Variants in NHSL1 observed in about 807,000 individuals in gnomAD.
NHSL1 encodes the protein NHS like 1, also known as NHS-like protein 1.
A neutral mutation model predicts 95.0 loss-of-function variants in NHSL1; 48 were observed. That is an observed-to-expected ratio of 0.51 (90% CI 0.40 to 0.64). The LOEUF is 0.64. Ranked by LOEUF, NHSL1 falls within the 30% of genes least tolerant of loss-of-function variation. The probability of loss-of-function intolerance (pLI) is 0.00; values close to 1 mark genes in which losing one functional copy is unlikely to be tolerated. For missense variants in NHSL1, 1,971 were observed against 2,077.7 expected (o/e 0.95, Z 1.00); for synonymous variants, 783 against 833.9 (o/e 0.94, Z 1.05).
intron 1 of NHSL1, among the ~76,000 whole-genome samples, chr6:138,688,988 A>G (rs1785624399): frequency 6.6e-6 from 1 of 152,120 alleles, no homozygotes; most frequent in African/African-American, 2.4e-5. Flanking sequence ...TGTATTTAGT[A>G]CTGTATTTTT....
chr6:138,689,119 T>C (rs1161777475), intron 1 of NHSL1, among the ~76,000 whole-genome samples: 1 of 152,230 alleles, frequency 6.6e-6, no homozygotes, highest in Non-Finnish European at 1.5e-5. Context: ...TTATTCTTCC[T>C]GACAGTAAGC....
intron 1 of NHSL1, among the ~76,000 whole-genome samples, chr6:138,540,047 C>A (rs1464576330): frequency 6.6e-6 from 1 of 152,158 alleles, no homozygotes; most frequent in Admixed American, 6.5e-5. Context: ...GCTTTCCCCA[C>A]CAGTTTGAAA....
chr6:138,558,878 C>CA lies in NHSL1; in HGVS notation c.202+12831dup, dbSNP rs1193252658. On this transcript the variant is annotated intron_variant, in intron 1 of 6. Transcript: ENST00000427025. ...GCAACATAGCAAGACCCCTTCTCTACAAAAAAACAAAATAAAATAAATTAG... is the reference window on the plus strand; with the variant it reads ...GCAACATAGCAAGACCCCTTCTCTACAAAAAAAACAAAATAAAATAAATTAG... 3.3e-5 allele frequency among the ~76,000 whole-genome samples: 5 copies of CA among 151,876 alleles called. No individual in the cohort carries two copies. In the South Asian group the frequency reaches 6.3e-4, roughly 19 times the overall value.
intron 1 of NHSL1, among the ~76,000 whole-genome samples, chr6:138,618,942 T>C (rs1278747023): frequency 6.6e-6 from 1 of 152,230 alleles, no homozygotes; most frequent in Non-Finnish European, 1.5e-5. Flanking sequence ...CCCTGGGGCC[T>C]TGGGTGTCAC....
chr6:138,490,477 C>G (rs1780007251), intron 2 of NHSL1, among the ~76,000 whole-genome samples: 1 of 152,114 alleles, frequency 6.6e-6, no homozygotes, highest in Non-Finnish European at 1.5e-5. Context: ...CACAATCTCT[C>G]CCAAGACAAA....
At chr6:138,484,680 G>A (rs959903426) in intron 2 of NHSL1, among the ~76,000 whole-genome samples, 5 of 152,000 alleles carry the variant, frequency 3.3e-5, no homozygotes, top group Admixed American at 6.6e-5. Context: ...AAAAATAAAC[G>A]GCCATTTTGA....
At chr6:138,501,338 A>G (rs556685267), upstream of NHSL1, among the ~76,000 whole-genome samples, 21 of 152,316 alleles carry the variant, frequency 1.4e-4, no homozygotes, top group Non-Finnish European at 2.1e-4. Context: ...GCCCTCATGG[A>G]GCTTAAATTA....
exon 1 of NHSL1, chr6:138,571,787 T>C (rs1160651125): frequency 1.3e-6 from 2 of 1,552,220 alleles, no homozygotes; most frequent in African/African-American, 2.7e-5. Context: ...GAGCTCTCCA[T>C]CACTGCGAAA....
intron 3 of NHSL1, among the ~76,000 whole-genome samples, chr6:138,463,578 G>C (rs1778141547): frequency 6.6e-6 from 1 of 151,040 alleles, no homozygotes. Context: ...TGAACGTGCA[G>C]GTTTGTTACA....
intron 1 of NHSL1, among the ~76,000 whole-genome samples, chr6:138,663,695 C>A (rs113414770): frequency 1.3e-5 from 2 of 151,948 alleles, no homozygotes; most frequent in Admixed American, 6.6e-5. Context: ...CATGGTGAAA[C>A]CCCATCTCTA....
intron 1 of NHSL1, among the ~76,000 whole-genome samples, chr6:138,663,286 C>T (rs1233260528): frequency 6.6e-6 from 1 of 151,994 alleles, no homozygotes; most frequent in Non-Finnish European, 1.5e-5. Flanking sequence ...CTAGGCCAGG[C>T]GTGGTGGGTC....
chr6:138,594,023 A>G (rs1038829829), intron 1 of NHSL1, among the ~76,000 whole-genome samples: 2 of 152,208 alleles, frequency 1.3e-5, no homozygotes, highest in African/African-American at 4.8e-5. Flanking sequence ...AAAGTTTTTA[A>G]AAGGTTTTTT....
At chr6:138,633,808 G>C (rs1011359530) in intron 1 of NHSL1, among the ~76,000 whole-genome samples, 11 of 152,170 alleles carry the variant, frequency 7.2e-5, no homozygotes, top group Non-Finnish European at 1.6e-4. Flanking sequence ...ACTGTGGTGT[G>C]TAAACTACTC....
chr6:138,653,383 G>A (rs970852858), intron 1 of NHSL1, among the ~76,000 whole-genome samples: 1 of 151,994 alleles, frequency 6.6e-6, no homozygotes, highest in Non-Finnish European at 1.5e-5. Context: ...GTGAAACCCC[G>A]TCTCTACTAA....
chr6:138,692,812 G>A (rs1011326492), upstream of NHSL1, among the ~76,000 whole-genome samples: 2 of 150,510 alleles, frequency 1.3e-5, no homozygotes, highest in African/African-American at 4.9e-5. This position sits in a 1 kb window ranked among gnomAD's most constrained non-coding sequence, Gnocchi z 4.0. Flanking sequence ...GCCTCCCGTC[G>A]GCGCGGGGCG....
At chr6:138,438,011 C>A (rs1460805956) in intron 5 of NHSL1, among the ~76,000 whole-genome samples, 3 of 152,126 alleles carry the variant, frequency 2.0e-5, no homozygotes, top group African/African-American at 7.2e-5. Context: ...ACAAAGGATT[C>A]AGAATATTAT....
intron 1 of NHSL1, among the ~76,000 whole-genome samples, chr6:138,518,358 C>T (rs1425653789): frequency 6.6e-6 from 1 of 151,156 alleles, no homozygotes; most frequent in South Asian, 2.1e-4. Flanking sequence ...TTTCCATGGA[C>T]TCTCTTTCTG....
At chr6:138,499,579 G>C, upstream of NHSL1, 1 of 376,086 alleles carries the variant, frequency 2.7e-6, no homozygotes. Flanking sequence ...GCCAATCACG[G>C]TTCTTATTTG....
chr6:138,573,668 G>A (rs1783915556), upstream of NHSL1, among the ~76,000 whole-genome samples: 1 of 152,162 alleles, frequency 6.6e-6, no homozygotes, highest in African/African-American at 2.4e-5. Context: ...TAAGGCAGAA[G>A]CTACAAAGCA....
Sources: allele counts gnomAD v4.1 joint callset (sites outside exome capture counted in the v4.1 genomes callset), GRCh38; gene constraint gnomAD v4.1.1; non-coding constraint Gnocchi (gnomAD v3.1); transcripts MANE v1.5; gene names NCBI Gene and HGNC (gene_info 2026-07-23, HGNC 2026-07-21).